The following MSH5 variants were observed in gnomAD, a reference collection of about 807,000 sequenced individuals.
MSH5 encodes the protein mutS homolog 5.
MSH5 carries 78 observed loss-of-function variants against 107.7 expected under a neutral mutation model. The ratio of observed to expected loss-of-function variants is 0.72; its 90% CI spans 0.60 to 0.87. MSH5 has a LOEUF of 0.87. MSH5 is among the 40% of genes least tolerant of loss of function. MSH5 has a pLI of 0.00. For missense variants in MSH5, 889 were observed against 1,046.6 expected (o/e 0.85, Z 2.08); for synonymous variants, 326 against 399.5 (o/e 0.82, Z 2.19).
intron 5 of MSH5, chr6:31,743,408 G>A: frequency 3.5e-6 from 2 of 565,188 alleles, no homozygotes; most frequent in East Asian, 5.8e-5. Flanking sequence ...CTCCCCTGAG[G>A]AGTGGTGACA....
At position 31,759,473 on chromosome 6, in the gene MSH5, C is replaced by G. The variant is rs1335582081; in HGVS notation, c.1456C>G (p.Leu486Val). The change falls in exon 17 of 25, where the codon CTG becomes GTG. Residue 486 changes from leucine to valine, a missense_variant. This residue lies in a region of MSH5 where 362 missense variants were observed against 456.2 expected (regional missense o/e 0.79). Transcript: ENST00000375750. This position sits in a 1 kb window ranked among gnomAD's most constrained non-coding sequence, Gnocchi z 4.7. The stretch of plus-strand genomic sequence containing the variant: ...CTATCGTAGTGCCCGAACCAAGGAG[C>G]TGGATGCATTGCTGGGGGACCTGCA... ...LHYRSARTKE[L>V]DALLGDLHCE... 1.2e-6 allele frequency: 2 copies of G among 1,612,584 alleles called. No individual in the cohort carries two copies. The highest frequency in any genetic ancestry group is 1.7e-5 in the Admixed American group (1 of 59,992).
rs1334147204 is a variant in MSH5, at chr6:31,760,696, T to C, written c.1819T>C (p.Leu607=). ...GKSIYLKQVG[L]ITFMALVGSF... The stretch of plus-strand genomic sequence containing the variant: ...TGTCTCCTTCCCTATTCAGGTAGGC[T>C]TGATCACATTCATGGCCCTGGTAGG... Residue 607 remains leucine (L), a synonymous_variant, in exon 20 of 25, where the codon TTG becomes CTG. Coordinates refer to ENST00000375750, the MANE Select transcript of MSH5 (RefSeq NM_172166.4). The surrounding 1 kb of genome is among the most constrained non-coding windows in gnomAD (Gnocchi z 5.6). 10 of 1,612,914 alleles carry C rather than the reference T, an allele frequency of 6.2e-6. No homozygotes were observed. Among genetic ancestry groups the C allele is most frequent in the Non-Finnish European group, 8.5e-6 (10 of 1,180,058 alleles).
chr6:31,741,356 CACACACACACACACACACACACACACAT>C (rs1303634240), intron 3 of MSH5, 70 bp downstream of exon 3: 47 of 1,313,452 alleles, frequency 3.6e-5, no homozygotes, highest in Admixed American at 2.0e-4. Context: ...CACACACACA[CACACACACACACACACACACACACACAT>C]ATTTTTTTTT....
chr6:31,755,282 G>T (rs2151368403), intron 12 of MSH5, among the ~76,000 whole-genome samples: 1 of 152,176 alleles, frequency 6.6e-6, no homozygotes, highest in East Asian at 1.9e-4. Flanking sequence ...CTCCTGAGTA[G>T]CAGGGACCAC....
In MSH5 at chr6:31,753,596, C is replaced by A. The variant is rs771603486; in HGVS notation, c.981C>A (p.His327Gln). The stretch of plus-strand genomic sequence containing the variant: ...TTCTGAAACGCATGAAGTTGTCCCA[C>A]ACCAAGGTCAGCGACTGGCAGGTTC... ...PLILKRMKLS[H>Q]TKVSDWQVLY... The change falls in exon 12 of 25, where the codon CAC becomes CAA. Residue 327 changes from histidine to glutamine, a missense_variant. His to Gln is a conservative substitution (Grantham distance 24, BLOSUM62 0). This residue lies in a region of MSH5 where 518 missense variants were observed against 565.0 expected (regional missense o/e 0.92). Transcript: ENST00000375750. The A allele has an allele frequency of 1.1e-5, 18 of 1,614,056 alleles. No homozygotes were observed. Among genetic ancestry groups the A allele is most frequent in the Non-Finnish European group, 1.4e-5 (17 of 1,180,048 alleles).
chr6:31,753,871 G>A (rs1417577191), intron 12 of MSH5: 3 of 452,692 alleles, frequency 6.6e-6, no homozygotes, highest in African/African-American at 2.0e-5. Context: ...GATTACAAGC[G>A]CCCGCCACCA....
In MSH5 at chr6:31,759,505, G is replaced by A; in HGVS notation, c.1488G>A (p.Glu496=). 1 of 1,612,560 alleles carries A rather than the reference G, an allele frequency of 6.2e-7. No homozygotes were observed. The highest frequency in any genetic ancestry group is 8.5e-7 in the Non-Finnish European group (1 of 1,180,006). Residue 496 remains glutamate (E), a synonymous_variant, in exon 17 of 25, where the codon GAG becomes GAA. Transcript: ENST00000375750. This position sits in a 1 kb window ranked among gnomAD's most constrained non-coding sequence, Gnocchi z 4.7. ...LDALLGDLHC[E]IRDQETLLMY... ...CATTGCTGGGGGACCTGCACTGCGA[G>A]ATCCGGGGTGAGGAAAAGCCAGAGG...
At position 31,758,361 on chromosome 6, in the gene MSH5, G is replaced by A; in HGVS notation, c.1143+68G>A. 2 of 1,595,594 alleles carry A rather than the reference G, an allele frequency of 1.3e-6. No individual in the cohort carries two copies. Among genetic ancestry groups the A allele is most frequent in the African/African-American group, 2.7e-5 (2 of 74,666 alleles). On this transcript the variant is annotated intron_variant, in intron 13 of 24. Transcript: ENST00000375750. This position sits in a 1 kb window ranked among gnomAD's most constrained non-coding sequence, Gnocchi z 5.1. ...AGAGAGAATGCAGTGTGCAAGATGG[G>A]GAAACATGGAAGATATTGAGGTCAA...
At position 31,748,568 on chromosome 6, in the gene MSH5, C is replaced by T. The variant is rs1020263336; in HGVS notation, c.812+1136C>T. ...TTCACCATGTTGGTCAGGCTGGTCT[C>T]GAACTCCTGGTGATCCGCCCACCTC... On this transcript the variant is annotated intron_variant, in intron 10 of 24. Coordinates refer to ENST00000375750, the MANE Select transcript of MSH5 (RefSeq NM_172166.4). Among the ~76,000 whole-genome samples, 30 of 151,768 alleles carry T rather than the reference C, an allele frequency of 2.0e-4. No individual in the cohort carries two copies. In the East Asian group the frequency reaches 3.7e-3, roughly 19 times the overall value.
chr6:31,758,636 G>A lies in MSH5; in HGVS notation c.1216+16G>A. ...ATTGATGAGAGTGAGTGTTGGGTGT[G>A]GATGGGCCTGTGAGCCCTGCGCAGT... On this transcript the variant is annotated intron_variant, in intron 14 of 24. Coordinates refer to ENST00000375750, the MANE Select transcript of MSH5 (RefSeq NM_172166.4). This position sits in a 1 kb window ranked among gnomAD's most constrained non-coding sequence, Gnocchi z 5.1. 1 of 1,613,928 alleles carries A rather than the reference G, an allele frequency of 6.2e-7. No homozygotes were observed. Among genetic ancestry groups the A allele is most frequent in the South Asian group, 1.1e-5 (1 of 91,074 alleles).
chr6:31,757,349 T>C (rs1331974800), intron 12 of MSH5: 1 of 151,530 alleles, frequency 6.6e-6, no homozygotes, highest in Admixed American at 6.6e-5. Context: ...TTTCACCCTC[T>C]TAACCAGGAT....
Position 31,759,468 on chromosome 6 carries a change from A to C in MSH5, c.1451A>C (p.Lys484Thr). The C allele has an allele frequency of 6.2e-7, 1 of 1,612,732 alleles. No homozygotes were observed. The highest frequency in any genetic ancestry group is 8.5e-7 in the Non-Finnish European group (1 of 1,179,998). ...CTGCACTATCGTAGTGCCCGAACCA[A>C]GGAGCTGGATGCATTGCTGGGGGAC... ...EKLHYRSART[K>T]ELDALLGDLH... Residue 484 changes from lysine (K) to threonine (T), a missense_variant, in exon 17 of 25, where the codon AAG (lysine) becomes ACG (threonine). By Grantham distance (78) the Lys-to-Thr change is moderately conservative. Coordinates refer to ENST00000375750, the MANE Select transcript of MSH5 (RefSeq NM_172166.4). The surrounding 1 kb of genome is among the most constrained non-coding windows in gnomAD (Gnocchi z 4.7).
chr6:31,743,365 G>T, intron 5 of MSH5, 195 bp downstream of exon 5: 1 of 632,122 alleles, frequency 1.6e-6, no homozygotes. Flanking sequence ...TTATTGGGAA[G>T]CCTCTGCTTA....
In MSH5 at chr6:31,740,674, T is replaced by A; in HGVS notation, c.147+61T>A. 1 of 1,431,244 alleles carries A rather than the reference T, an allele frequency of 7.0e-7. No homozygotes were observed. The highest frequency in any genetic ancestry group is 1.5e-5 in the African/African-American group (1 of 68,148). 88.7% of individuals were successfully genotyped at this position (1,431,244 alleles called of 1,614,324 possible). ...GATGGGAAGTTAGAATAAAAGAGGG[T>A]TGGGAGCCGGGCGCGGTGGCTCACA... is the stretch of plus-strand genomic sequence containing the variant. On this transcript the variant is annotated intron_variant, in intron 2 of 24. Transcript: ENST00000375750. The surrounding 1 kb of genome is among the most constrained non-coding windows in gnomAD (Gnocchi z 4.4).
chr6:31,743,318 G>A, intron 5 of MSH5, 148 bp downstream of exon 5: 6 of 782,290 alleles, frequency 7.7e-6, no homozygotes, highest in Non-Finnish European at 1.3e-5. Context: ...GTCCCCCCAA[G>A]ATCTCTCCTG....
Position 31,760,802 on chromosome 6 carries a change from C to T in MSH5, c.1925C>T (p.Ser642Phe). The part of the protein sequence containing the change: ...FTRIHSCESI[S>F]LGLSTFMIDL... Reference sequence around the variant, plus strand: ...CGAATTCATAGCTGCGAATCCATCTCCCTTGGCCTCTCCACCTTCATGATC... The same window carrying T: ...CGAATTCATAGCTGCGAATCCATCTTCCTTGGCCTCTCCACCTTCATGATC... Residue 642 changes from serine to phenylalanine, a missense_variant, in exon 20 of 25, where the codon TCC becomes TTC. By Grantham distance (155) the Ser-to-Phe change is radical (BLOSUM62 -2). Transcript: ENST00000375750. The surrounding 1 kb of genome is among the most constrained non-coding windows in gnomAD (Gnocchi z 5.6). The T allele has an allele frequency of 5.0e-6, 8 of 1,612,962 alleles. No individual in the cohort carries two copies. Among genetic ancestry groups the T allele is most frequent in the Non-Finnish European group, 6.8e-6 (8 of 1,180,028 alleles).
chr6:31,749,488 G>T (rs921262032), intron 10 of MSH5, among the ~76,000 whole-genome samples: 14 of 151,732 alleles, frequency 9.2e-5, no homozygotes, highest in African/African-American at 3.2e-4. Flanking sequence ...GTTGAAGTGA[G>T]CCCAGATTGC....
In MSH5 at chr6:31,760,654, C is replaced by T; in HGVS notation, c.1813-36C>T. 1 of 1,612,274 alleles carries T rather than the reference C, an allele frequency of 6.2e-7. No homozygotes were observed. The highest frequency in any genetic ancestry group is 8.5e-7 in the Non-Finnish European group (1 of 1,179,946). ...GCCTCACTTTCACCTCAGCCCACGG[C>T]ACCAGGCCCCAGGCCCTGTCTCCTT... On this transcript the variant is annotated intron_variant, in intron 19 of 24. Coordinates refer to ENST00000375750, the MANE Select transcript of MSH5 (RefSeq NM_172166.4). The surrounding 1 kb of genome is among the most constrained non-coding windows in gnomAD (Gnocchi z 5.6).
Position 31,753,406 on chromosome 6 carries a change from G to T in MSH5, c.918G>T (p.Leu306=), listed in dbSNP as rs1342237930. The T allele has an allele frequency of 3.1e-6, 5 of 1,614,022 alleles. No homozygotes were observed. In the Admixed American group the frequency reaches 8.3e-5, roughly 27 times the overall value. Residue 306 remains leucine (L), a synonymous_variant, in exon 11 of 25, where the codon CTG becomes CTT. Coordinates refer to ENST00000375750, the MANE Select transcript of MSH5 (RefSeq NM_172166.4). ...LPQNLDMAQM[L]HRLLGHIKNV... ...AGAATCTGGACATGGCTCAGATGCT[G>T]CATCGGCTCCTGGGTCACATCAAGA...
Sources: gnomAD v4.1 joint callset for allele counts (sites outside exome capture counted in the v4.1 genomes callset) on GRCh38, gnomAD v4.1.1 for gene constraint, gnomAD v4.1.1 regional missense constraint, Gnocchi (gnomAD v3.1) non-coding constraint, MANE v1.5 for transcripts, NCBI Gene and HGNC (gene_info 2026-07-23, HGNC 2026-07-21) for gene names.